Variants in PSTPIP1 observed in about 807,000 individuals in gnomAD.
The protein encoded by PSTPIP1 is proline-serine-threonine phosphatase-interacting protein 1.
Under a neutral mutation model 69.6 loss-of-function variants are expected in PSTPIP1, and 66 were observed. The observed-to-expected ratio is 0.95, with a 90% CI of 0.78 to 1.16. PSTPIP1 has a LOEUF of 1.16. PSTPIP1 is among the 50% of genes most tolerant of loss of function. The probability of loss-of-function intolerance (pLI) is 0.00; values close to 1 mark genes in which losing one functional copy is unlikely to be tolerated. For synonymous variants in PSTPIP1, 266 were observed against 222.7 expected (o/e 1.19, Z -1.73); for missense variants, 603 against 557.4 (o/e 1.08, Z -0.82).
chr15:77,012,897 C>T (rs1049531419), intron 1 of PSTPIP1, among the ~76,000 whole-genome samples: 2 of 152,202 alleles, frequency 1.3e-5, no homozygotes, highest in African/African-American at 4.8e-5. Flanking sequence ...CTCACTGAGG[C>T]GCTTCTCCAG....
Position 77,028,622 on chromosome 15 carries a change from C to T in PSTPIP1, c.486C>T (p.Ser162=), listed in dbSNP as rs769318378. The change falls in exon 7 of 15, where the codon AGC becomes AGT. Residue 162 remains serine, a synonymous_variant. Coordinates refer to ENST00000558012, the MANE Select transcript of PSTPIP1 (RefSeq NM_003978.5). ...DDAEQAFERI[S]ANGHQKQVEK... is the part of the protein sequence containing the mutation. ...CGGAGCAGGCCTTCGAGCGCATTAG[C>T]GCCAACGGCCACCAGAAGCAGGTGG... 10 of 1,587,554 alleles carry T rather than the reference C, an allele frequency of 6.3e-6. No homozygotes were observed. The East Asian group carries it at 1.6e-4, about 26-fold the overall frequency.
At chr15:77,025,354 G>C in intron 4 of PSTPIP1, 36 bp downstream of exon 4, 1 of 1,592,978 alleles carries the variant, frequency 6.3e-7, no homozygotes, top group South Asian at 1.1e-5. Context: ...GGATCTTTTG[G>C]GACTGCGAGG....
Position 77,032,857 on chromosome 15 carries a change from T to A in PSTPIP1, c.839-5T>A. Reference sequence around the variant, plus strand: ...GCCCTGGGGCTCACGGCTTGCTGTCTGCAGCTCCGGTGCCCTACCAGAACT... The same window carrying A: ...GCCCTGGGGCTCACGGCTTGCTGTCAGCAGCTCCGGTGCCCTACCAGAACT... On this transcript the variant is annotated splice_region_variant and splice_polypyrimidine_tract_variant and intron_variant, in intron 11 of 14. Coordinates refer to ENST00000558012, the MANE Select transcript of PSTPIP1 (RefSeq NM_003978.5). The A allele has an allele frequency of 6.4e-7, 1 of 1,568,334 alleles. No homozygotes were observed. The highest frequency in any genetic ancestry group is 1.4e-5 in the African/African-American group (1 of 73,964).
chr15:76,995,536 G>T lies in PSTPIP1; in HGVS notation c.-38G>T, dbSNP rs920122436. On this transcript the variant is annotated 5_prime_UTR_variant, in exon 1 of 15. Coordinates refer to ENST00000558012, the MANE Select transcript of PSTPIP1 (RefSeq NM_003978.5). ...CTGGCCCTCCATCAGGCCAGCCTGTGGCAGGAGAGTGAGCTTTGCCGCGGC... is the reference window on the plus strand; with the variant it reads ...CTGGCCCTCCATCAGGCCAGCCTGTTGCAGGAGAGTGAGCTTTGCCGCGGC... The T allele has an allele frequency of 6.2e-7, 1 of 1,613,694 alleles. No homozygotes were observed. Among genetic ancestry groups the T allele is most frequent in the African/African-American group, 1.3e-5 (1 of 75,062 alleles).
At position 76,995,391 on chromosome 15, in the gene PSTPIP1, T is replaced by C. The variant is rs2075553764; in HGVS notation, c.-183T>C. 2 of 1,446,724 alleles carry C rather than the reference T, an allele frequency of 1.4e-6. No homozygotes were observed. Among genetic ancestry groups the C allele is most frequent in the South Asian group, 1.5e-5 (1 of 68,786 alleles). The allele number at this position is 1,446,724 out of a possible 1,614,324, so 89.6% of individuals were successfully genotyped here. The stretch of plus-strand genomic sequence containing the variant: ...GCCCCAAACAAAACAGGTTGAGCTT[T>C]TTCCTCCCCTCAGAAGCTCCTCTCT... On this transcript the variant is annotated 5_prime_UTR_variant, in exon 1 of 15. Coordinates refer to ENST00000558012, the MANE Select transcript of PSTPIP1 (RefSeq NM_003978.5).
chr15:77,036,953 T>G, intron 14 of PSTPIP1, 92 bp from the exon 15 acceptor site: 1 of 1,521,768 alleles, frequency 6.6e-7, no homozygotes, highest in East Asian at 2.3e-5. Flanking sequence ...ACATGCCGCA[T>G]TTACTGCTGG....
intron 1 of PSTPIP1, among the ~76,000 whole-genome samples, chr15:76,997,024 G>A (rs528995307): frequency 2.0e-5 from 3 of 152,334 alleles, no homozygotes; most frequent in Admixed American, 2.0e-4. Context: ...CAGTCCTAGA[G>A]CCCCTGGGCC....
intron 3 of PSTPIP1, among the ~76,000 whole-genome samples, chr15:77,024,585 T>A (rs1411787592): frequency 6.6e-6 from 1 of 152,196 alleles, no homozygotes; most frequent in Admixed American, 6.5e-5. Context: ...AAGTCCGTTT[T>A]AAATACTACA....
chr15:77,036,808 G>A (rs903904002), intron 14 of PSTPIP1, among the ~76,000 whole-genome samples: 6 of 152,174 alleles, frequency 3.9e-5, no homozygotes, highest in Non-Finnish European at 7.3e-5. Context: ...CAGAATGGGA[G>A]AGGGGAGGTG....
chr15:77,031,430 C>T lies in PSTPIP1; in HGVS notation c.741+152C>T, dbSNP rs940098191. 1.4e-5 allele frequency: 10 copies of T among 701,044 alleles called. No individual in the cohort carries two copies. In the African/African-American group the frequency reaches 1.6e-4, roughly 11 times the overall value. 43.4% of individuals were successfully genotyped at this position (701,044 alleles called of 1,614,324 possible). A position where few individuals can be genotyped will look rare whatever the true frequency, so the allele number is the denominator to read the frequency against. The stretch of plus-strand genomic sequence containing the variant: ...CAGGCCTCAGCAGCTCAGCCTTTGC[C>T]CCCAGAACCCCAAGACAGGAGCTCA... On this transcript the variant is annotated intron_variant, in intron 10 of 14. Coordinates refer to ENST00000558012, the MANE Select transcript of PSTPIP1 (RefSeq NM_003978.5).
chr15:77,032,766 A>G (rs948656855), intron 11 of PSTPIP1, 96 bp from the exon 12 acceptor site: 2 of 1,090,938 alleles, frequency 1.8e-6, no homozygotes, highest in Non-Finnish European at 2.7e-6. Context: ...AGGATGGGCC[A>G]GGGCCAGATT....
intron 10 of PSTPIP1, chr15:77,031,502 G>C (rs1254534871): frequency 4.4e-6 from 2 of 452,570 alleles, no homozygotes; most frequent in African/African-American, 2.0e-5. Context: ...TGATGACTCT[G>C]TGGTTCCCCT....
At chr15:77,029,290 C>T (rs542786002) in intron 7 of PSTPIP1, among the ~76,000 whole-genome samples, 50 of 152,382 alleles carry the variant, frequency 3.3e-4, no homozygotes, top group Admixed American at 1.4e-3. Flanking sequence ...GGGTTGTGGT[C>T]TCACTCTTCA....
intron 3 of PSTPIP1, among the ~76,000 whole-genome samples, chr15:77,019,047 C>G (rs2076111198): frequency 6.6e-6 from 1 of 152,202 alleles, no homozygotes; most frequent in South Asian, 2.1e-4. Context: ...AGTAACGCAG[C>G]CCTCCTCAAA....
At position 77,018,170 on chromosome 15, in the gene PSTPIP1, C is replaced by A. The variant is rs553718554; in HGVS notation, c.59C>A (p.Thr20Lys). The A allele has an allele frequency of 2.5e-6, 4 of 1,586,740 alleles. No homozygotes were observed. The highest frequency in any genetic ancestry group is 4.6e-5 in the East Asian group (2 of 43,576). The part of the protein sequence containing the change: ...AFWCRDFTAH[T>K]GYEVLLQRLL... ...CAGTGCAGGGACTTCACAGCCCACACGGGCTACGAGGTGCTGCTGCAGCGG... is the reference window on the plus strand; with the variant it reads ...CAGTGCAGGGACTTCACAGCCCACAAGGGCTACGAGGTGCTGCTGCAGCGG... Residue 20 changes from threonine (T) to lysine (K), a missense_variant, in exon 2 of 15, where the codon ACG (threonine) becomes AAG (lysine). Transcript: ENST00000558012.
At chr15:77,034,047 G>A (rs576033153) in intron 12 of PSTPIP1, among the ~76,000 whole-genome samples, 19 of 152,240 alleles carry the variant, frequency 1.2e-4, no homozygotes, top group Admixed American at 1.0e-3. Flanking sequence ...TAGAGAGAGA[G>A]AGAGAGATGT....
intron 3 of PSTPIP1, among the ~76,000 whole-genome samples, chr15:77,023,105 A>G (rs2076197102): frequency 6.6e-6 from 1 of 152,250 alleles, no homozygotes; most frequent in South Asian, 2.1e-4. Flanking sequence ...GCGATTCCTT[A>G]CAGCACCCCT....
rs911502525 is a variant in PSTPIP1 at position 77,025,678 on chromosome 15, T to C, written c.354+74T>C. 1.1e-5 allele frequency: 13 copies of C among 1,183,996 alleles called. No homozygotes were observed. The African/African-American group carries it at 1.7e-4, about 15-fold the overall frequency. The allele number at this position is 1,183,996 out of a possible 1,614,324, so 73.3% of individuals were successfully genotyped here. On this transcript the variant is annotated intron_variant, in intron 5 of 14. Coordinates refer to ENST00000558012, the MANE Select transcript of PSTPIP1 (RefSeq NM_003978.5). Reference sequence around the variant, plus strand: ...CTCAGTTGCTGTGGGGGTAGGGGGCTGACCTTCCTGGTAGAGCCAGTGGAG... The same window carrying C: ...CTCAGTTGCTGTGGGGGTAGGGGGCCGACCTTCCTGGTAGAGCCAGTGGAG...
chr15:77,031,139 A>C (rs374959699), intron 9 of PSTPIP1, 41 bp from the exon 10 acceptor site: 3 of 1,581,558 alleles, frequency 1.9e-6, no homozygotes, highest in Non-Finnish European at 2.6e-6. Flanking sequence ...CGGGCCCTGC[A>C]GCCGCCTCCT....
Sources: allele counts gnomAD v4.1 joint callset (sites outside exome capture counted in the v4.1 genomes callset), GRCh38; gene constraint gnomAD v4.1.1; transcripts MANE v1.5; gene names NCBI Gene and HGNC (gene_info 2026-07-23, HGNC 2026-07-21).